GPC5: variants seen among roughly 807,000 people sequenced by gnomAD.
GPC5 encodes the protein glypican 5.
GPC5 carries 47 observed loss-of-function variants against 53.9 expected under a neutral mutation model. The observed-to-expected ratio is 0.87, with a 90% CI of 0.69 to 1.11. GPC5 has a LOEUF of 1.11. Among genes scored for constraint, GPC5 ranks in the 50% most tolerant of loss-of-function variants. GPC5 has a pLI of 0.00. For synonymous variants in GPC5, 286 were observed against 263.3 expected (o/e 1.09, Z -0.84); for missense variants, 748 against 713.1 (o/e 1.05, Z -0.56).
chr13:92,669,754 C>T (rs554830516), intron 7 of GPC5, among the ~76,000 whole-genome samples: 1 of 152,280 alleles, frequency 6.6e-6, no homozygotes, highest in South Asian at 2.1e-4. Flanking sequence ...TTAGCCTACA[C>T]TCATTCCTCA....
At chr13:92,489,414 C>T (rs144940286) in intron 7 of GPC5, among the ~76,000 whole-genome samples, 19 of 152,242 alleles carry the variant, frequency 1.2e-4, no homozygotes, top group South Asian at 1.0e-3. Context: ...GTAAATACAT[C>T]ATGTGTCAGA....
intron 7 of GPC5, among the ~76,000 whole-genome samples, chr13:92,667,625 T>C (rs1369370173): frequency 1.3e-5 from 2 of 151,770 alleles, no homozygotes; most frequent in Admixed American, 6.6e-5. Flanking sequence ...GTAGGGAAGA[T>C]TGGAGAAGAT....
chr13:91,661,953 A>C (rs1189414174), intron 2 of GPC5, among the ~76,000 whole-genome samples: 1 of 152,248 alleles, frequency 6.6e-6, no homozygotes. Flanking sequence ...CTTATGTCTT[A>C]GAAATTTCAT....
At chr13:92,146,324 GAC>G (rs1160828983) in intron 7 of GPC5, among the ~76,000 whole-genome samples, 1 of 151,868 alleles carries the variant, frequency 6.6e-6, no homozygotes, top group Non-Finnish European at 1.5e-5. Context: ...AGAAAATAAA[GAC>G]AATGTATTTG....
intron 5 of GPC5, among the ~76,000 whole-genome samples, chr13:91,820,351 T>C (rs2038472515): frequency 6.6e-6 from 1 of 152,198 alleles, no homozygotes; most frequent in Non-Finnish European, 1.5e-5. Context: ...CATAGCCTTA[T>C]AGGCATGTTT....
intron 6 of GPC5, among the ~76,000 whole-genome samples, chr13:91,966,531 C>T (rs1449924424): frequency 6.6e-6 from 1 of 152,162 alleles, no homozygotes; most frequent in Non-Finnish European, 1.5e-5. Context: ...TGTATTCAGT[C>T]TGTATCATGT....
intron 6 of GPC5, among the ~76,000 whole-genome samples, chr13:91,955,290 A>C (rs1244273479): frequency 6.6e-6 from 1 of 152,246 alleles, no homozygotes; most frequent in Non-Finnish European, 1.5e-5. Flanking sequence ...TAAGAAGTAC[A>C]AAGTTAGAAG....
At chr13:91,513,048 T>C (rs2139338563) in intron 2 of GPC5, among the ~76,000 whole-genome samples, 1 of 152,362 alleles carries the variant, frequency 6.6e-6, no homozygotes, top group Non-Finnish European at 1.5e-5. Flanking sequence ...GCAGGTTTGT[T>C]ACATAGGCAG....
intron 2 of GPC5, among the ~76,000 whole-genome samples, chr13:91,579,448 C>G (rs2139076358): frequency 6.6e-6 from 1 of 152,192 alleles, no homozygotes; most frequent in East Asian, 1.9e-4. Context: ...CTTGTCAGTT[C>G]TGCTACGGCA....
chr13:91,519,837 T>C (rs866765180), intron 2 of GPC5, among the ~76,000 whole-genome samples: 34 of 151,882 alleles, frequency 2.2e-4, no homozygotes, highest in African/African-American at 7.5e-4. Context: ...CACTTTGTAA[T>C]TGCAAACTCA....
intron 6 of GPC5, among the ~76,000 whole-genome samples, chr13:92,020,757 C>A (rs2040751146): frequency 6.7e-6 from 1 of 149,884 alleles, no homozygotes; most frequent in Non-Finnish European, 1.5e-5. Flanking sequence ...ATATGGCTTG[C>A]AAATATTGTC....
In GPC5 at chr13:91,962,959, A is replaced by G. The variant is rs975372487; in HGVS notation, c.1401+54902A>G. Reference sequence around the variant, plus strand: ...CAGTACCTATGTTCTCTAGTTTGTCACTATTCCATGTGCCTTATTATTTCT... The same window carrying G: ...CAGTACCTATGTTCTCTAGTTTGTCGCTATTCCATGTGCCTTATTATTTCT... On this transcript the variant is annotated intron_variant, in intron 6 of 7. Coordinates refer to ENST00000377067, the MANE Select transcript of GPC5 (RefSeq NM_004466.6). 4.5e-4 allele frequency among the ~76,000 whole-genome samples: 69 copies of G among 152,260 alleles called. 1 individual carries two copies. Among genetic ancestry groups the G allele is most frequent in the African/African-American group, 1.6e-3 (68 of 41,570 alleles).
At chr13:92,371,667 G>C (rs760328104) in intron 7 of GPC5, among the ~76,000 whole-genome samples, 1 of 152,172 alleles carries the variant, frequency 6.6e-6, no homozygotes, top group Non-Finnish European at 1.5e-5. Flanking sequence ...AGTGCTAAGC[G>C]AAGGGGGAAG....
intron 6 of GPC5, among the ~76,000 whole-genome samples, chr13:92,031,204 T>TA (rs1323074994): frequency 6.6e-6 from 1 of 152,138 alleles, no homozygotes; most frequent in Non-Finnish European, 1.5e-5. Flanking sequence ...GGCTTACCCT[T>TA]AAAACCTCTT....
chr13:91,715,330 T>G (rs2036313380), intron 3 of GPC5, among the ~76,000 whole-genome samples: 3 of 150,616 alleles, frequency 2.0e-5, no homozygotes. Flanking sequence ...TATATGAGTA[T>G]GTATATGTGT....
intron 6 of GPC5, among the ~76,000 whole-genome samples, chr13:92,122,323 A>C (rs371155161): frequency 1.8e-4 from 26 of 147,872 alleles, no homozygotes; most frequent in East Asian, 6.0e-4. Flanking sequence ...TTTTGCTTTT[A>C]GCAGCCATAG....
intron 7 of GPC5, among the ~76,000 whole-genome samples, chr13:92,795,912 TG>T (rs1876660685): frequency 6.6e-6 from 1 of 152,148 alleles, no homozygotes; most frequent in Non-Finnish European, 1.5e-5. Flanking sequence ...ACACTGTTGG[TG>T]GGACTGTAAA....
chr13:92,395,559 TCTTC>T (rs1265705855), intron 7 of GPC5, among the ~76,000 whole-genome samples: 1 of 152,202 alleles, frequency 6.6e-6, no homozygotes, highest in Non-Finnish European at 1.5e-5. Context: ...TCTTCAACAC[TCTTC>T]CTTATGTAGA....
chr13:92,456,913 T>C (rs1878289992), intron 7 of GPC5, among the ~76,000 whole-genome samples: 1 of 152,124 alleles, frequency 6.6e-6, no homozygotes, highest in Non-Finnish European at 1.5e-5. Context: ...GCACCTAGCA[T>C]GATGCTGAGG....
Sources: allele counts gnomAD v4.1 joint callset (sites outside exome capture counted in the v4.1 genomes callset), GRCh38; gene constraint gnomAD v4.1.1; transcripts MANE v1.5; gene names NCBI Gene and HGNC (gene_info 2026-07-23, HGNC 2026-07-21).